Variants in TMEM143 observed in about 807,000 individuals in gnomAD.
TMEM143 encodes the protein transmembrane protein 143.
TMEM143 carries 45 observed loss-of-function variants against 40.3 expected under a neutral mutation model. The observed-to-expected ratio is 1.12, with a 90% CI of 0.88 to 1.43. The LOEUF is 1.43. TMEM143 is among the 40% of genes most tolerant of loss of function. The probability of loss-of-function intolerance (pLI) is 0.00; values close to 1 mark genes in which losing one functional copy is unlikely to be tolerated. For missense variants in TMEM143, 620 were observed against 613.4 expected (o/e 1.01, Z -0.11); for synonymous variants, 299 against 282.7 (o/e 1.06, Z -0.58).
intron 6 of TMEM143, among the ~76,000 whole-genome samples, chr19:48,340,765 C>A (rs1418259727): frequency 1.3e-5 from 2 of 152,116 alleles, no homozygotes; most frequent in Non-Finnish European, 2.9e-5. Context: ...CAGCTCCCTG[C>A]GGCTCTGAGG....
At chr19:48,352,858 C>T (rs1347204880) in intron 3 of TMEM143, among the ~76,000 whole-genome samples, 1 of 152,002 alleles carries the variant, frequency 6.6e-6, no homozygotes, top group Non-Finnish European at 1.5e-5. Context: ...CTCAAATGAT[C>T]CTCCCACCTC....
In TMEM143 at chr19:48,363,428, C is replaced by G. The variant is rs1467369256; in HGVS notation, c.127G>C (p.Ala43Pro). 5.0e-6 allele frequency: 8 copies of G among 1,613,850 alleles called. No homozygotes were observed. The African/African-American group carries it at 8.0e-5, about 16-fold the overall frequency. Residue 43 changes from alanine (A) to proline (P), a missense_variant, in exon 2 of 8, where the codon GCC becomes CCC. Physicochemically the swap from Ala to Pro is conservative, Grantham distance 27. Transcript: ENST00000293261. The part of the protein sequence containing the change: ...LLPALLGPPR[A>P]LSSLAAKMGE... The stretch of plus-strand genomic sequence containing the variant: ...ATTTTGGCTGCCAGCGATGAGAGGG[C>G]CCGGGGGGGCCCGAGGAGCGCGGGC...
chr19:48,360,350 A>C, intron 2 of TMEM143, 174 bp from the exon 3 acceptor site: 1 of 595,210 alleles, frequency 1.7e-6, no homozygotes, highest in East Asian at 3.2e-5. Context: ...AGGCCGAGGC[A>C]GTGGATCACT....
Position 48,360,062 on chromosome 19 carries a change from C to CCGTCCTCA in TMEM143, c.369+2_369+9dup. On this transcript the variant is annotated intron_variant, in intron 3 of 7. Transcript: ENST00000293261. ...CAAGCACCACAGGGCTGGAAGGGCC[C>CCGTCCTCA]CGTCCTCACCTGCAGCCGGGCCAGG... 1 of 1,613,504 alleles carries CCGTCCTCA rather than the reference C, an allele frequency of 6.2e-7. No homozygotes were observed. The highest frequency in any genetic ancestry group is 1.3e-5 in the African/African-American group (1 of 75,006).
chr19:48,357,349 C>CTTT (rs1195099137), intron 3 of TMEM143, among the ~76,000 whole-genome samples: 1,426 of 74,646 alleles, frequency 0.019, 56 homozygotes, highest in African/African-American at 0.064. Context: ...GTCTATCTTT[C>CTTT]TTTTTTTTTT....
At chr19:48,363,668 G>A (rs761091894) in intron 1 of TMEM143, 137 bp from the exon 2 acceptor site, 1 of 1,416,602 alleles carries the variant, frequency 7.1e-7, no homozygotes, top group Non-Finnish European at 9.4e-7. Flanking sequence ...CAAAGCCCCT[G>A]TTGCCTGTCC....
chr19:48,339,475 C>T (rs1356123935), intron 6 of TMEM143, among the ~76,000 whole-genome samples: 3 of 152,164 alleles, frequency 2.0e-5, no homozygotes, highest in Non-Finnish European at 2.9e-5. Flanking sequence ...CCTTATCCCG[C>T]AGTGGGGCTC....
Position 48,352,411 on chromosome 19 carries a change from C to T in TMEM143, c.370-7057G>A, listed in dbSNP as rs1049452618. Among the ~76,000 whole-genome samples the T allele has an allele frequency of 3.3e-5, 5 of 151,242 alleles. No homozygotes were observed. In the South Asian group the frequency reaches 1.1e-3, roughly 32 times the overall value. On this transcript the variant is annotated intron_variant, in intron 3 of 7. Transcript: ENST00000293261. The stretch of plus-strand genomic sequence containing the variant: ...TTCAACCTCCCAGGCTCAAGCGATC[C>T]TCCTGCCTCAGCCTCCCAAGTAGCT...
In TMEM143 at chr19:48,345,327, T is replaced by C; in HGVS notation, c.397A>G (p.Arg133Gly). The C allele has an allele frequency of 1.3e-6, 2 of 1,584,144 alleles. No individual in the cohort carries two copies. Among genetic ancestry groups the C allele is most frequent in the East Asian group, 2.3e-5 (1 of 44,344 alleles). ...QALYDPINPD[R>G]ETLDQPSLTD... The stretch of plus-strand genomic sequence containing the variant: ...AGTGATGGCTGATCGAGGGTCTCCC[T>C]GTCAGGGTTGATGGGGTCATATAAG... Residue 133 changes from arginine (R) to glycine (G), a missense_variant, in exon 4 of 8, where the codon AGG (arginine) becomes GGG (glycine). Transcript: ENST00000293261.
rs773896848 is a variant in TMEM143 at position 48,345,315 on chromosome 19, C to G, written c.409G>C (p.Asp137His). The G allele has an allele frequency of 2.5e-6, 4 of 1,592,604 alleles. No homozygotes were observed. Among genetic ancestry groups the G allele is most frequent in the South Asian group, 1.1e-5 (1 of 87,554 alleles). ...TGGGGATCCGTTAGTGATGGCTGATCGAGGGTCTCCCTGTCAGGGTTGATG... is the reference window on the plus strand; with the variant it reads ...TGGGGATCCGTTAGTGATGGCTGATGGAGGGTCTCCCTGTCAGGGTTGATG... ...DPINPDRETL[D>H]QPSLTDPQRL... is the part of the protein sequence containing the mutation. The change falls in exon 4 of 8, where the codon GAT becomes CAT. Residue 137 changes from aspartate (D) to histidine (H), a missense_variant. Coordinates refer to ENST00000293261, the MANE Select transcript of TMEM143 (RefSeq NM_018273.4).
chr19:48,336,407 C>T (rs747971659), intron 6 of TMEM143, among the ~76,000 whole-genome samples: 39 of 152,108 alleles, frequency 2.6e-4, no homozygotes, highest in Non-Finnish European at 4.0e-4. Context: ...CACCTGTAAT[C>T]CCAGCTACTT....
At chr19:48,345,118 A>G (rs538693480) in intron 4 of TMEM143, 42 bp downstream of exon 4, 1 of 1,598,354 alleles carries the variant, frequency 6.3e-7, no homozygotes, top group Non-Finnish European at 8.5e-7. Flanking sequence ...GCCCCACCCT[A>G]GAGGCCTCCT....
chr19:48,358,806 C>T (rs180719547), intron 3 of TMEM143, among the ~76,000 whole-genome samples: 1 of 152,338 alleles, frequency 6.6e-6, no homozygotes, highest in East Asian at 1.9e-4. Context: ...CTGTTAACAC[C>T]TAAATCCGCT....
chr19:48,338,403 C>A (rs970452310), intron 6 of TMEM143, among the ~76,000 whole-genome samples: 6 of 152,198 alleles, frequency 3.9e-5, no homozygotes, highest in African/African-American at 1.4e-4. Context: ...CTCCGTGGCC[C>A]GGCACACGAG....
At chr19:48,356,168 A>G (rs1969887209) in intron 3 of TMEM143, among the ~76,000 whole-genome samples, 1 of 147,912 alleles carries the variant, frequency 6.8e-6, no homozygotes, top group Admixed American at 6.9e-5. Context: ...CCCAGGCTGG[A>G]GTGCAGTGGC....
In TMEM143 at chr19:48,359,530, C is replaced by T. The variant is rs1303872791; in HGVS notation, c.369+542G>A. Among the ~76,000 whole-genome samples, 16 of 44,206 alleles carry T rather than the reference C, an allele frequency of 3.6e-4. No homozygotes were observed. In the Admixed American group the frequency reaches 4.7e-3, roughly 13 times the overall value. The allele number at this position is 44,206 out of a possible 152,430, so 29.0% of individuals were successfully genotyped here. ...CTTTGTTTTTTTTTTTTTTTTGAGA[C>T]AGAGTTTCCTCAGTCGCCCAGGCTG... On this transcript the variant is annotated intron_variant, in intron 3 of 7. Coordinates refer to ENST00000293261, the MANE Select transcript of TMEM143 (RefSeq NM_018273.4).
At chr19:48,352,252 A>AAAAAAAAAAAC (rs1969792866) in intron 3 of TMEM143, among the ~76,000 whole-genome samples, 1 of 148,030 alleles carries the variant, frequency 6.8e-6, no homozygotes, top group East Asian at 2.0e-4. Flanking sequence ...GTCTCAAAAA[A>AAAAAAAAAAAC]AAAAAAAAAA....
Position 48,333,894 on chromosome 19 carries a change from T to C in TMEM143, c.1165+114A>G. On this transcript the variant is annotated intron_variant, in intron 7 of 7. Transcript: ENST00000293261. The surrounding 1 kb of genome is among the most constrained non-coding windows in gnomAD (Gnocchi z 4.1). The stretch of plus-strand genomic sequence containing the variant: ...CCTGTCTGCTGAGGGCCGGGGTCTC[T>C]TCGCAAACCCGTCAGGTTCACCCGT... The C allele has an allele frequency of 1.6e-6, 2 of 1,221,526 alleles. No individual in the cohort carries two copies. The highest frequency in any genetic ancestry group is 5.2e-5 in the East Asian group (2 of 38,592). The allele number at this position is 1,221,526 out of a possible 1,614,324, so 75.7% of individuals were successfully genotyped here.
chr19:48,343,484 G>C (rs1265338698), intron 4 of TMEM143, 33 bp from the exon 5 acceptor site: 1 of 1,550,296 alleles, frequency 6.5e-7, no homozygotes, highest in Admixed American at 2.0e-5. Context: ...AGTGGCGGGT[G>C]AACATGGGCA....
Sources: gnomAD v4.1 joint callset for allele counts (sites outside exome capture counted in the v4.1 genomes callset) on GRCh38, gnomAD v4.1.1 for gene constraint, Gnocchi (gnomAD v3.1) non-coding constraint, MANE v1.5 for transcripts, NCBI Gene and HGNC (gene_info 2026-07-23, HGNC 2026-07-21) for gene names.